The following DDRGK1 variants were observed in gnomAD, a reference collection of about 807,000 sequenced individuals.
DDRGK1 encodes the protein DDRGK domain containing 1, also known as DDRGK domain-containing protein 1.
Under a neutral mutation model 45.8 loss-of-function variants are expected in DDRGK1, and 38 were observed. The observed-to-expected ratio is 0.83, with a 90% CI of 0.64 to 1.09. DDRGK1 has a LOEUF of 1.09. Ranked by LOEUF, DDRGK1 falls within the 50% of genes least tolerant of loss-of-function variation. DDRGK1 has a pLI of 0.00. For missense variants in DDRGK1, 403 were observed against 419.9 expected (o/e 0.96, Z 0.35); for synonymous variants, 171 against 168.7 (o/e 1.01, Z -0.11).
In DDRGK1 at chr20:3,195,244, A is replaced by G; in HGVS notation, c.620T>C (p.Met207Thr). ...VVEEEGVGET[M>T]TEEQSQSFLT... Reference sequence around the variant, plus strand: ...CAGCAGGCCCACCTGTTCCTCAGTCATGGTCTCTCCTACGCCTTCCTCCTC... The same window carrying G: ...CAGCAGGCCCACCTGTTCCTCAGTCGTGGTCTCTCCTACGCCTTCCTCCTC... The change falls in exon 5 of 9, where the codon ATG (methionine) becomes ACG (threonine). Residue 207 changes from methionine to threonine, a missense_variant. Met to Thr is a moderately conservative substitution (Grantham distance 81). Coordinates refer to ENST00000354488, the MANE Select transcript of DDRGK1 (RefSeq NM_023935.3). The G allele has an allele frequency of 3.1e-6, 5 of 1,614,054 alleles. No individual in the cohort carries two copies. The highest frequency in any genetic ancestry group is 4.2e-6 in the Non-Finnish European group (5 of 1,179,952).
chr20:3,190,622 C>A lies in DDRGK1; in HGVS notation c.*31G>T. 1 of 1,610,890 alleles carries A rather than the reference C, an allele frequency of 6.2e-7. No individual in the cohort carries two copies. The highest frequency in any genetic ancestry group is 8.5e-7 in the Non-Finnish European group (1 of 1,178,792). On this transcript the variant is annotated 3_prime_UTR_variant, in exon 9 of 9. Transcript: ENST00000354488. ...AGATGTATAGCCAGGTAGGCCACACCAACTCTGAGTCCAAGAGGGAAGGAC... is the reference window on the plus strand; with the variant it reads ...AGATGTATAGCCAGGTAGGCCACACAAACTCTGAGTCCAAGAGGGAAGGAC...
At chr20:3,192,290 C>G (rs141480723) in intron 6 of DDRGK1, among the ~76,000 whole-genome samples, 1 of 152,308 alleles carries the variant, frequency 6.6e-6, no homozygotes, top group African/African-American at 2.4e-5. Flanking sequence ...TGCTGAGGAC[C>G]TACTAGAACA....
chr20:3,193,864 C>T (rs1453994959), intron 6 of DDRGK1, among the ~76,000 whole-genome samples: 2 of 152,140 alleles, frequency 1.3e-5, no homozygotes, highest in Non-Finnish European at 2.9e-5. Context: ...GGCTTCAGGA[C>T]CATCTTACTG....
At chr20:3,198,979 CAA>C (rs386393118) in intron 4 of DDRGK1, among the ~76,000 whole-genome samples, 42 of 115,096 alleles carry the variant, frequency 3.6e-4, no homozygotes, top group African/African-American at 1.2e-3. Flanking sequence ...CAATCTCTAC[CAA>C]AAAAAAAAAA....
intron 4 of DDRGK1, among the ~76,000 whole-genome samples, chr20:3,195,674 T>C (rs968401484): frequency 2.0e-5 from 3 of 151,798 alleles, no homozygotes; most frequent in African/African-American, 4.8e-5. Flanking sequence ...ACCTGCCCCA[T>C]CCTCTCCTTG....
At chr20:3,194,912 C>A in intron 5 of DDRGK1, 44 bp from the exon 6 acceptor site, 1 of 1,608,244 alleles carries the variant, frequency 6.2e-7, no homozygotes. Flanking sequence ...CTAGCAAGCC[C>A]ACAGGGTTCT....
rs954670834 is a variant in DDRGK1, at chr20:3,200,401, T to G, written c.349A>C (p.Ile117Leu). 1 of 1,584,614 alleles carries G rather than the reference T, an allele frequency of 6.3e-7. No homozygotes were observed. The highest frequency in any genetic ancestry group is 1.3e-5 in the African/African-American group (1 of 74,346). Residue 117 changes from isoleucine (I) to leucine (L), a missense_variant, in exon 3 of 9, where the codon ATT becomes CTT. Ile to Leu is a conservative substitution (Grantham distance 5, BLOSUM62 2). Transcript: ENST00000354488. ...AGCTTCCGCAGTTTCTTAGCTCCAA[T>G]TTTCCCCGACAGGTGAGTTTCCGCT... Reference protein sequence around the residue: ...KPAETHLSGKIGAKKLRKLEE... With the variant: ...KPAETHLSGKLGAKKLRKLEE...
intron 6 of DDRGK1, among the ~76,000 whole-genome samples, chr20:3,192,450 G>A (rs2066993724): frequency 6.6e-6 from 1 of 152,224 alleles, no homozygotes; most frequent in Admixed American, 6.5e-5. Context: ...AGTAGAGGCT[G>A]TGGGGGCCCA....
chr20:3,201,797 A>G (rs1466927411), intron 2 of DDRGK1, among the ~76,000 whole-genome samples: 1 of 150,016 alleles, frequency 6.7e-6, no homozygotes, highest in Non-Finnish European at 1.5e-5. Context: ...AGCTGGAACT[A>G]CAGGCGCCAG....
At chr20:3,191,566 GT>G (rs754275995) in intron 7 of DDRGK1, 198 bp downstream of exon 7, 240 of 695,966 alleles carry the variant, frequency 3.4e-4, no homozygotes, top group South Asian at 4.4e-4. Context: ...TGGGGTTTGG[GT>G]TTTTTTTTTC....
At chr20:3,196,001 T>C (rs1385418106) in intron 4 of DDRGK1, among the ~76,000 whole-genome samples, 1 of 152,080 alleles carries the variant, frequency 6.6e-6, no homozygotes, top group African/African-American at 2.4e-5. Flanking sequence ...GCCCTGCCTC[T>C]TCTCTCTCCT....
chr20:3,198,752 C>A (rs2067023241), intron 4 of DDRGK1, among the ~76,000 whole-genome samples: 1 of 123,300 alleles, frequency 8.1e-6, no homozygotes, highest in Non-Finnish European at 1.7e-5. Context: ...TGTCATGACA[C>A]AGAAGAGCCT....
At chr20:3,199,304 T>C (rs2067025680) in intron 4 of DDRGK1, among the ~76,000 whole-genome samples, 1 of 152,202 alleles carries the variant, frequency 6.6e-6, no homozygotes, top group Admixed American at 6.5e-5. Context: ...ATATTTAAGG[T>C]ACATTAAGCG....
intron 7 of DDRGK1, 123 bp downstream of exon 7, chr20:3,191,642 A>T: frequency 8.9e-7 from 1 of 1,118,238 alleles, no homozygotes; most frequent in Non-Finnish European, 1.3e-6. Flanking sequence ...TCTGTGCACT[A>T]CTCACTCTTG....
At chr20:3,196,805 A>G (rs969819039) in intron 4 of DDRGK1, among the ~76,000 whole-genome samples, 1 of 152,220 alleles carries the variant, frequency 6.6e-6, no homozygotes, top group African/African-American at 2.4e-5. Context: ...TTAAAGGTAC[A>G]CAGGAGCCAA....
At chr20:3,203,498 A>C in intron 1 of DDRGK1, 82 bp from the exon 2 acceptor site, 1 of 1,424,486 alleles carries the variant, frequency 7.0e-7, no homozygotes, top group Non-Finnish European at 9.2e-7. Context: ...CGGAAGCCTC[A>C]CCTCCTCTGC....
At chr20:3,193,182 G>A (rs987752951) in intron 6 of DDRGK1, among the ~76,000 whole-genome samples, 3 of 152,152 alleles carry the variant, frequency 2.0e-5, no homozygotes, top group South Asian at 2.1e-4. Flanking sequence ...GAACAAGATC[G>A]AGTGAACCCT....
At chr20:3,194,427 C>G (rs1156946723) in intron 6 of DDRGK1, among the ~76,000 whole-genome samples, 1 of 152,282 alleles carries the variant, frequency 6.6e-6, no homozygotes, top group African/African-American at 2.4e-5. Flanking sequence ...CCTGTTCCCC[C>G]TGAAAGACCC....
At chr20:3,196,717 G>A (rs1357554791) in intron 4 of DDRGK1, among the ~76,000 whole-genome samples, 6 of 151,966 alleles carry the variant, frequency 3.9e-5, no homozygotes, top group African/African-American at 7.3e-5. Context: ...TAAAGCTGAG[G>A]CAAGTAATAT....
Sources: allele counts gnomAD v4.1 joint callset (sites outside exome capture counted in the v4.1 genomes callset), GRCh38; gene constraint gnomAD v4.1.1; transcripts MANE v1.5; gene names NCBI Gene and HGNC (gene_info 2026-07-23, HGNC 2026-07-21).